Variants in LINGO2 observed in about 807,000 individuals in gnomAD.
The protein encoded by LINGO2 is leucine-rich repeat and immunoglobulin-like domain-containing nogo receptor-interacting protein 2.
LINGO2 carries 14 observed loss-of-function variants against 30.6 expected under a neutral mutation model. The observed-to-expected ratio is 0.46, with a 90% confidence interval of 0.30 to 0.72. The LOEUF (loss-of-function observed/expected upper bound fraction) is 0.72, where lower values mean the gene tolerates loss of function less well. LINGO2 is among the 30% of genes least tolerant of loss of function. The pLI, the probability that LINGO2 is intolerant of heterozygous loss-of-function variation, is 0.07. For missense variants in LINGO2, 729 were observed against 751.7 expected (o/e 0.97, Z 0.35); for synonymous variants, 317 against 288.5 (o/e 1.10, Z -1.00).
At chr9:28,979,116 G>A in the LINGO2 span, among the ~76,000 whole-genome samples, 12 of 151,554 alleles carry the variant, frequency 7.9e-5, no homozygotes, top group African/African-American at 2.4e-4. Flanking sequence ...TTTCTGTCTC[G>A]GGCTATCTTA....
chr9:28,158,389 C>A lies in LINGO2; in HGVS notation c.-87+136819G>T, dbSNP rs554657941. ...GTCGCAGCCAAACCATATCAAGTGC[C>A]AATAAAGAGTTCTCAGGTAAGAGAG... On this transcript the variant is annotated intron_variant, in intron 4 of 5. Transcript: ENST00000379992. 3.3e-5 allele frequency among the ~76,000 whole-genome samples: 5 copies of A among 152,172 alleles called. No individual in the cohort carries two copies. The East Asian group carries it at 9.7e-4, about 29-fold the overall frequency.
At chr9:27,949,129 G>T (rs1335475723) in exon 6 of LINGO2, 1 of 1,614,130 alleles carries the variant, frequency 6.2e-7, no homozygotes, top group Non-Finnish European at 8.5e-7. Context: ...ATGTACATAG[G>T]GGTCCTGTTC....
chr9:28,589,913 G>T (rs558709540), intron 1 of LINGO2, among the ~76,000 whole-genome samples: 1 of 152,236 alleles, frequency 6.6e-6, no homozygotes, highest in East Asian at 1.9e-4. Context: ...ATACTACAAG[G>T]CTACAGTAAC....
At chr9:28,666,045 C>G (rs879628739) in intron 1 of LINGO2, among the ~76,000 whole-genome samples, 2 of 152,004 alleles carry the variant, frequency 1.3e-5, no homozygotes, top group East Asian at 3.9e-4. Context: ...ACATGCACCA[C>G]GACACCCGGC....
intron 4 of LINGO2, among the ~76,000 whole-genome samples, chr9:28,077,519 T>A (rs1825659928): frequency 6.6e-6 from 1 of 152,222 alleles, no homozygotes; most frequent in African/African-American, 2.4e-5. Flanking sequence ...TAAGTCCATC[T>A]GTGTTCTGGG....
the LINGO2 span, among the ~76,000 whole-genome samples, chr9:28,804,019 C>T: frequency 2.0e-5 from 3 of 152,030 alleles, no homozygotes; most frequent in African/African-American, 7.2e-5. Context: ...AAACAGGCAT[C>T]AAATAATATT....
At chr9:28,068,280 G>T (rs552505896) in intron 4 of LINGO2, among the ~76,000 whole-genome samples, 1 of 152,114 alleles carries the variant, frequency 6.6e-6, no homozygotes, top group South Asian at 2.1e-4. Flanking sequence ...GTGCTTTAAA[G>T]GTAGGTTTCT....
At chr9:29,178,843 C>T in the LINGO2 span, among the ~76,000 whole-genome samples, 1 of 152,002 alleles carries the variant, frequency 6.6e-6, no homozygotes, top group African/African-American at 2.4e-5. Context: ...ACCAGAGGAG[C>T]TGGGTTCAGT....
chr9:29,196,981 A>G, the LINGO2 span, among the ~76,000 whole-genome samples: 4 of 152,172 alleles, frequency 2.6e-5, no homozygotes, highest in Middle Eastern at 3.4e-3. Flanking sequence ...GGCCATAGAA[A>G]TACCTTCTTT....
chr9:27,966,381 T>C (rs547106072), intron 5 of LINGO2, among the ~76,000 whole-genome samples: 29 of 152,308 alleles, frequency 1.9e-4, no homozygotes, highest in Admixed American at 1.6e-3. Flanking sequence ...CACGGAATAC[T>C]ATGCAGCCAT....
At chr9:28,636,996 G>A (rs1827313190) in intron 1 of LINGO2, among the ~76,000 whole-genome samples, 2 of 152,104 alleles carry the variant, frequency 1.3e-5, no homozygotes, top group South Asian at 4.1e-4. Flanking sequence ...ATTAATATTT[G>A]TATAAGGTGT....
At chr9:28,831,237 T>G in the LINGO2 span, among the ~76,000 whole-genome samples, 1 of 152,170 alleles carries the variant, frequency 6.6e-6, no homozygotes, top group Non-Finnish European at 1.5e-5. Flanking sequence ...TGAATACATA[T>G]GAAGTAAGTT....
intron 1 of LINGO2, among the ~76,000 whole-genome samples, chr9:28,477,979 G>T (rs912895646): frequency 6.6e-6 from 1 of 151,904 alleles, no homozygotes; most frequent in African/African-American, 2.4e-5. Context: ...AAGGACTTTG[G>T]GAATCAACCC....
the LINGO2 span, among the ~76,000 whole-genome samples, chr9:28,731,479 T>C: frequency 6.6e-6 from 1 of 152,140 alleles, no homozygotes; most frequent in Non-Finnish European, 1.5e-5. Flanking sequence ...ATATAATACT[T>C]TCGAAATAAT....
chr9:28,546,134 T>C (rs1437354121), intron 1 of LINGO2, among the ~76,000 whole-genome samples: 2 of 151,888 alleles, frequency 1.3e-5, no homozygotes, highest in East Asian at 3.9e-4. Context: ...GCTGATAAAT[T>C]AAGGGAGGTG....
the LINGO2 span, among the ~76,000 whole-genome samples, chr9:28,932,275 C>CT: frequency 6.6e-6 from 1 of 151,864 alleles, no homozygotes; most frequent in African/African-American, 2.4e-5. Context: ...GTCTGGCAGT[C>CT]TTTTTTTCCT....
chr9:28,432,070 T>G (rs1188516585), intron 2 of LINGO2, among the ~76,000 whole-genome samples: 1 of 152,122 alleles, frequency 6.6e-6, no homozygotes, highest in Non-Finnish European at 1.5e-5. Context: ...TGAATAAATG[T>G]GCCTTACCAT....
At chr9:28,363,701 C>T (rs1820544097) in intron 3 of LINGO2, among the ~76,000 whole-genome samples, 1 of 151,998 alleles carries the variant, frequency 6.6e-6, no homozygotes, top group East Asian at 1.9e-4. Flanking sequence ...AAAAAAAAAC[C>T]CTTTATTACA....
chr9:28,700,884 G>T, the LINGO2 span, among the ~76,000 whole-genome samples: 2 of 151,960 alleles, frequency 1.3e-5, no homozygotes, highest in Non-Finnish European at 1.5e-5. Context: ...GTTTTAATTT[G>T]TAATTCACTA....
Sources: allele counts gnomAD v4.1 joint callset (sites outside exome capture counted in the v4.1 genomes callset), GRCh38; gene constraint gnomAD v4.1.1; transcripts MANE v1.5; gene names NCBI Gene and HGNC (gene_info 2026-07-23, HGNC 2026-07-21).